The following JAZF1 variants were observed in gnomAD, a reference collection of about 807,000 sequenced individuals.
The protein encoded by JAZF1 is JAZF zinc finger 1, also known as juxtaposed with another zinc finger protein 1.
A neutral mutation model predicts 26.4 loss-of-function variants in JAZF1; 8 were observed. That is an observed-to-expected ratio of 0.30 (90% CI 0.18 to 0.55). The LOEUF is 0.55. Ranked by LOEUF, JAZF1 falls within the 20% of genes least tolerant of loss-of-function variation. JAZF1 has a pLI of 0.94. For missense variants in JAZF1, 199 were observed against 322.0 expected (o/e 0.62, Z 2.92); for synonymous variants, 126 against 122.3 (o/e 1.03, Z -0.20).
intron 1 of JAZF1, among the ~76,000 whole-genome samples, chr7:28,159,486 C>T (rs1174901946): frequency 6.6e-6 from 1 of 151,842 alleles, no homozygotes; most frequent in Non-Finnish European, 1.5e-5. Context: ...GAGGTGGGAC[C>T]TTCGAGGGGG....
At chr7:28,063,557 C>T (rs1038424632) in intron 1 of JAZF1, among the ~76,000 whole-genome samples, 57 of 152,224 alleles carry the variant, frequency 3.7e-4, no homozygotes, top group African/African-American at 1.3e-3. Context: ...GTGTATAACC[C>T]ATATAATTCA....
At chr7:28,178,387 T>C (rs966154357) in intron 1 of JAZF1, among the ~76,000 whole-genome samples, 1 of 152,158 alleles carries the variant, frequency 6.6e-6, no homozygotes, top group Non-Finnish European at 1.5e-5. Flanking sequence ...TCTAAGTAGG[T>C]AGGCAATGGG....
At chr7:27,965,230 C>T (rs1404080624) in intron 2 of JAZF1, among the ~76,000 whole-genome samples, 4 of 152,082 alleles carry the variant, frequency 2.6e-5, no homozygotes, top group South Asian at 2.1e-4. Context: ...CTTTATTCCC[C>T]GATATTTATA....
In JAZF1 at chr7:27,832,772, A is replaced by G. The variant is rs1342352362; in HGVS notation, c.*28T>C. 2.8e-6 allele frequency: 4 copies of G among 1,447,418 alleles called. No homozygotes were observed. Among genetic ancestry groups the G allele is most frequent in the Non-Finnish European group, 3.7e-6 (4 of 1,089,542 alleles). The allele number at this position is 1,447,418 out of a possible 1,614,324, so 89.7% of individuals were successfully genotyped here. Reference sequence around the variant, plus strand: ...TCAAAATCAGCAACTGCTGGTGAGGATTTCTTGGCACAGTTATGACCAGCA... The same window carrying G: ...TCAAAATCAGCAACTGCTGGTGAGGGTTTCTTGGCACAGTTATGACCAGCA... On this transcript the variant is annotated 3_prime_UTR_variant, in exon 5 of 5. Coordinates refer to ENST00000283928, the MANE Select transcript of JAZF1 (RefSeq NM_175061.4).
intron 1 of JAZF1, among the ~76,000 whole-genome samples, chr7:28,117,112 T>C (rs1482011324): frequency 6.6e-6 from 1 of 152,244 alleles, no homozygotes. Context: ...TTCTTATTCA[T>C]TTGTAGAAAC....
intron 3 of JAZF1, among the ~76,000 whole-genome samples, chr7:27,857,035 A>T (rs906850859): frequency 2.6e-5 from 4 of 152,256 alleles, no homozygotes; most frequent in African/African-American, 9.6e-5. Flanking sequence ...GCTGCCTGCC[A>T]GTCCCGCGCC....
At chr7:28,051,177 G>GGT (rs1554284619) in intron 1 of JAZF1, among the ~76,000 whole-genome samples, 10 of 101,122 alleles carry the variant, frequency 9.9e-5, no homozygotes, top group South Asian at 3.7e-4. Context: ...TACTATAACT[G>GGT]TTTTTTTTTA....
At chr7:28,128,010 C>A (rs1782725042) in intron 1 of JAZF1, among the ~76,000 whole-genome samples, 1 of 152,082 alleles carries the variant, frequency 6.6e-6, no homozygotes, top group Non-Finnish European at 1.5e-5. Context: ...GGGGACGCAG[C>A]CAAACCATTT....
chr7:28,148,023 T>A (rs901179591), intron 1 of JAZF1, among the ~76,000 whole-genome samples: 2 of 152,086 alleles, frequency 1.3e-5, no homozygotes, highest in African/African-American at 4.8e-5. Context: ...GTTTCCCAGA[T>A]CTTTGTGCAT....
intron 1 of JAZF1, among the ~76,000 whole-genome samples, chr7:28,088,800 T>C (rs1427019170): frequency 2.6e-5 from 4 of 152,248 alleles, no homozygotes; most frequent in African/African-American, 9.6e-5. Flanking sequence ...TCTTTTATTG[T>C]TTTAAGCAGG....
At chr7:27,956,740 C>T (rs1235759924) in intron 2 of JAZF1, among the ~76,000 whole-genome samples, 1 of 152,296 alleles carries the variant, frequency 6.6e-6, no homozygotes, top group East Asian at 1.9e-4. Flanking sequence ...TGCGGTCATG[C>T]CAAACCTCAC....
intron 1 of JAZF1, among the ~76,000 whole-genome samples, chr7:28,135,273 A>T (rs1487260164): frequency 6.6e-6 from 1 of 152,134 alleles, no homozygotes; most frequent in Non-Finnish European, 1.5e-5. Context: ...TCTCTCCTCA[A>T]CTGGCTTGAT....
intron 1 of JAZF1, among the ~76,000 whole-genome samples, chr7:28,066,568 A>T (rs1783886021): frequency 7.1e-6 from 1 of 141,832 alleles, no homozygotes; most frequent in East Asian, 2.2e-4. Context: ...GCACCACTGC[A>T]CTCCAGCCTG....
chr7:28,116,717 G>A (rs980387062), intron 1 of JAZF1, among the ~76,000 whole-genome samples: 1 of 152,124 alleles, frequency 6.6e-6, no homozygotes, highest in South Asian at 2.1e-4. Context: ...CAAAGTGCTG[G>A]GATTACAGGC....
chr7:28,038,329 A>G (rs1279752692), intron 1 of JAZF1, among the ~76,000 whole-genome samples: 1 of 152,190 alleles, frequency 6.6e-6, no homozygotes, highest in African/African-American at 2.4e-5. Context: ...TAACTAGTAG[A>G]TATAAGCTCA....
intron 3 of JAZF1, among the ~76,000 whole-genome samples, chr7:27,891,814 T>C (rs1464745407): frequency 2.0e-5 from 3 of 152,122 alleles, no homozygotes; most frequent in Non-Finnish European, 4.4e-5. Context: ...GCCTAGGTGA[T>C]AGAGTGATAC....
chr7:28,024,344 C>T (rs1425223866), intron 1 of JAZF1, among the ~76,000 whole-genome samples: 2 of 151,616 alleles, frequency 1.3e-5, no homozygotes, highest in African/African-American at 2.4e-5. Flanking sequence ...GAGAGAACAG[C>T]ATATTAAAAG....
chr7:27,984,013 C>A (rs1156855115), intron 2 of JAZF1, among the ~76,000 whole-genome samples: 1 of 152,192 alleles, frequency 6.6e-6, no homozygotes, highest in Non-Finnish European at 1.5e-5. Flanking sequence ...ATTGTAAAGA[C>A]CATCAAGGCC....
intron 1 of JAZF1, among the ~76,000 whole-genome samples, chr7:28,124,491 C>T (rs1374081303): frequency 6.6e-6 from 1 of 152,186 alleles, no homozygotes; most frequent in Non-Finnish European, 1.5e-5. Flanking sequence ...GTCATCTTCT[C>T]CCCAGTGCCG....
Sources: gnomAD v4.1 joint callset for allele counts (sites outside exome capture counted in the v4.1 genomes callset) on GRCh38, gnomAD v4.1.1 for gene constraint, MANE v1.5 for transcripts, NCBI Gene and HGNC (gene_info 2026-07-23, HGNC 2026-07-21) for gene names.